Variants in TMEM82 observed in about 807,000 individuals in gnomAD.
TMEM82 encodes transmembrane protein 82.
A neutral mutation model predicts 29.2 loss-of-function variants in TMEM82; 30 were observed. The observed-to-expected ratio is 1.03, with a 90% confidence interval of 0.77 to 1.39. The LOEUF is 1.39. Among genes scored for constraint, TMEM82 ranks in the 40% most tolerant of loss-of-function variants. The pLI is 0.00. For missense variants in TMEM82, 442 were observed against 447.7 expected (o/e 0.99, Z 0.12); for synonymous variants, 221 against 225.4 (o/e 0.98, Z 0.18).
At chr1:15,747,176 CA>C (rs2068342882) in intron 5 of TMEM82, 122 bp downstream of exon 5, 3 of 1,057,578 alleles carry the variant, frequency 2.8e-6, no homozygotes, top group Non-Finnish European at 4.1e-6. Flanking sequence ...CCTGTAATCC[CA>C]AATACTCAGG....
rs146322959 is a variant in TMEM82 at position 15,747,734 on chromosome 1, C to T, written c.*102C>T. ...CTGGAGGCAGAGTGGCAGAGCTGGC[C>T]TCCTGCCCAGAGCTCAGCACAGGCC... On this transcript the variant is annotated 3_prime_UTR_variant, in exon 6 of 6. Coordinates refer to ENST00000375782, the MANE Select transcript of TMEM82 (RefSeq NM_001013641.3). The T allele has an allele frequency of 2.6e-4, 288 of 1,092,038 alleles. No individual in the cohort carries two copies. In the African/African-American group the frequency reaches 3.8e-3, roughly 14 times the overall value. 67.6% of individuals were successfully genotyped at this position (1,092,038 alleles called of 1,614,324 possible).
intron 4 of TMEM82, among the ~76,000 whole-genome samples, chr1:15,745,893 A>G (rs1212831129): frequency 1.3e-5 from 1 of 76,106 alleles, no homozygotes; most frequent in Non-Finnish European, 2.6e-5. Context: ...CATCTCAAAC[A>G]AAAAAAAAAA....
chr1:15,744,587 G>C lies in TMEM82; in HGVS notation c.757+7G>C. ...CTGGTCATCTACATGCAGGGTGAGC[G>C]CTGCGGGGCCTGCTCCATTCAATCC... On this transcript the variant is annotated splice_region_variant and intron_variant, in intron 4 of 5. Transcript: ENST00000375782. This position sits in a 1 kb window ranked among gnomAD's most constrained non-coding sequence, Gnocchi z 5.2. The C allele has an allele frequency of 6.3e-7, 1 of 1,599,434 alleles. No homozygotes were observed.
Position 15,744,050 on chromosome 1 carries a change from C to A in TMEM82, c.337-110C>A. 9.0e-7 allele frequency: 1 copy of A among 1,112,308 alleles called. No homozygotes were observed. The highest frequency in any genetic ancestry group is 1.2e-6 in the Non-Finnish European group (1 of 808,086). 68.9% of individuals were successfully genotyped at this position (1,112,308 alleles called of 1,614,324 possible). ...GGGCTTCATCTGAAGCCGATGTGGC[C>A]CCTTCGGGAACCATCCCCAAGGTCC... On this transcript the variant is annotated intron_variant, in intron 3 of 5. Coordinates refer to ENST00000375782, the MANE Select transcript of TMEM82 (RefSeq NM_001013641.3). The surrounding 1 kb of genome is among the most constrained non-coding windows in gnomAD (Gnocchi z 5.2).
intron 4 of TMEM82, among the ~76,000 whole-genome samples, chr1:15,746,447 C>G (rs1021682053): frequency 1.3e-5 from 2 of 151,210 alleles, no homozygotes; most frequent in African/African-American, 4.9e-5. Context: ...AGCCGGGAGC[C>G]TGGCAAGGAG....
rs539850611 is a variant in TMEM82, at chr1:15,742,993, C to T, written c.162-27C>T. 1.9e-6 allele frequency: 3 copies of T among 1,600,336 alleles called. No homozygotes were observed. The South Asian group carries it at 3.3e-5, about 18-fold the overall frequency. ...GGTCGAAGGTGGCAGTTCTGCACCC[C>T]TGCCCACACCCATTCTGTCCCCAAA... On this transcript the variant is annotated intron_variant, in intron 2 of 5. Transcript: ENST00000375782.
At position 15,744,482 on chromosome 1, in the gene TMEM82, T is replaced by A; in HGVS notation, c.659T>A (p.Val220Glu). 1 of 1,611,536 alleles carries A rather than the reference T, an allele frequency of 6.2e-7. No homozygotes were observed. The highest frequency in any genetic ancestry group is 8.5e-7 in the Non-Finnish European group (1 of 1,179,494). ...IAFAVGDLAA[V>E]ALINQDFLTT... ...TTTGCCGTGGGTGACCTGGCAGCTG[T>A]GGCCCTCATCAACCAGGACTTCCTG... The change falls in exon 4 of 6, where the codon GTG becomes GAG. Residue 220 changes from valine (V) to glutamate (E), a missense_variant. Coordinates refer to ENST00000375782, the MANE Select transcript of TMEM82 (RefSeq NM_001013641.3). The surrounding 1 kb of genome is among the most constrained non-coding windows in gnomAD (Gnocchi z 5.2).
chr1:15,742,770 C>A, intron 1 of TMEM82, 65 bp from the exon 2 acceptor site: 1 of 1,556,464 alleles, frequency 6.4e-7, no homozygotes. Context: ...TCTGACCCTA[C>A]CAATGAAGCC....
chr1:15,745,561 AAGAGAGAG>A lies in TMEM82; in HGVS notation c.757+989_757+996del, dbSNP rs796862384. 4.2e-3 allele frequency among the ~76,000 whole-genome samples: 617 copies of A among 147,904 alleles called. 3 individuals are homozygous for A. The highest frequency in any genetic ancestry group is 0.013 in the African/African-American group (539 of 40,052). ...AGAGAGAGAAAGAGAGAAAGAGAGA[AAGAGAGAG>A]AGAGAGAAAGAGAGAGAGAGAGAAA... On this transcript the variant is annotated intron_variant, in intron 4 of 5. Transcript: ENST00000375782.
At chr1:15,746,133 T>A (rs1469888865) in intron 4 of TMEM82, among the ~76,000 whole-genome samples, 2 of 87,396 alleles carry the variant, frequency 2.3e-5, no homozygotes, top group African/African-American at 9.2e-5. Context: ...CTGGGTTCAA[T>A]CAATTCTCCT....
chr1:15,744,561 G>A lies in TMEM82; in HGVS notation c.738G>A (p.Leu246=), dbSNP rs1408917070. The change falls in exon 4 of 6, where the codon CTG becomes CTA. Residue 246 remains leucine, a synonymous_variant. Coordinates refer to ENST00000375782, the MANE Select transcript of TMEM82 (RefSeq NM_001013641.3). The surrounding 1 kb of genome is among the most constrained non-coding windows in gnomAD (Gnocchi z 5.2). Reference sequence around the variant, plus strand: ...CACCGCTCACCATCTGCTACACGCTGCTGGTCATCTACATGCAGGGTGAGC... The same window carrying A: ...CACCGCTCACCATCTGCTACACGCTACTGGTCATCTACATGCAGGGTGAGC... The part of the protein sequence containing the change: ...FWTPLTICYT[L]LVIYMQEEQR... The A allele has an allele frequency of 3.1e-6, 5 of 1,609,952 alleles. No homozygotes were observed. Among genetic ancestry groups the A allele is most frequent in the Non-Finnish European group, 4.2e-6 (5 of 1,178,328 alleles).
At chr1:15,745,892 C>CAAAAAAAAAAAAAAAAAAAAAAAAA (rs914390608) in intron 4 of TMEM82, among the ~76,000 whole-genome samples, 1 of 86,358 alleles carries the variant, frequency 1.2e-5, no homozygotes, top group Non-Finnish European at 2.5e-5. Flanking sequence ...CCATCTCAAA[C>CAAAAAAAAAAAAAAAAAAAAAAAAA]AAAAAAAAAA....
At chr1:15,747,412 C>A in intron 5 of TMEM82, 134 bp from the exon 6 acceptor site, 1 of 763,780 alleles carries the variant, frequency 1.3e-6, no homozygotes. Flanking sequence ...CACTAGCACC[C>A]CCCACCCTGT....
chr1:15,746,329 C>CA (rs2068335002), intron 4 of TMEM82, among the ~76,000 whole-genome samples: 2 of 144,006 alleles, frequency 1.4e-5, no homozygotes. Context: ...ACTAAAAATA[C>CA]AAAAAATTAG....
At chr1:15,745,023 AGTTT>A (rs1272813713) in intron 4 of TMEM82, among the ~76,000 whole-genome samples, 1 of 152,110 alleles carries the variant, frequency 6.6e-6, no homozygotes, top group Non-Finnish European at 1.5e-5. Flanking sequence ...CTGCTGTCCA[AGTTT>A]GTTTATGTTT....
In TMEM82 at chr1:15,743,097, T is replaced by C. The variant is rs1217064786; in HGVS notation, c.239T>C (p.Leu80Pro). 6.2e-7 allele frequency: 1 copy of C among 1,612,018 alleles called. No individual in the cohort carries two copies. Among genetic ancestry groups the C allele is most frequent in the East Asian group, 2.2e-5 (1 of 44,866 alleles). The change falls in exon 3 of 6, where the codon CTG becomes CCG. Residue 80 changes from leucine (L) to proline (P), a missense_variant. Leu to Pro is a moderately conservative substitution (Grantham distance 98). Transcript: ENST00000375782. ...CTGGAAACGGTGCACCTGGCAGGGCTGGCCCTGTTTCTGACGGTCGTGGGG... is the reference window on the plus strand; with the variant it reads ...CTGGAAACGGTGCACCTGGCAGGGCCGGCCCTGTTTCTGACGGTCGTGGGG... ...ASLETVHLAG[L>P]ALFLTVVGSR...
chr1:15,745,392 T>C (rs2068326424), intron 4 of TMEM82, among the ~76,000 whole-genome samples: 1 of 152,008 alleles, frequency 6.6e-6, no homozygotes, highest in Non-Finnish European at 1.5e-5. Flanking sequence ...TGGTGGTCCA[T>C]GCCTGTAATC....
chr1:15,742,514 C>T lies in TMEM82; in HGVS notation c.-46C>T. 3 of 1,484,838 alleles carry T rather than the reference C, an allele frequency of 2.0e-6. No individual in the cohort carries two copies. The highest frequency in any genetic ancestry group is 2.7e-6 in the Non-Finnish European group (3 of 1,099,582). The allele number at this position is 1,484,838 out of a possible 1,614,324, so 92.0% of individuals were successfully genotyped here. On this transcript the variant is annotated 5_prime_UTR_variant, in exon 1 of 6. Coordinates refer to ENST00000375782, the MANE Select transcript of TMEM82 (RefSeq NM_001013641.3). ...CCTTTGCCCAGTGACGTTGGTCTGT[C>T]CTTACGCAGACCTGGCCGGAGGCTG...
At chr1:15,743,838 G>C (rs758641586) in intron 3 of TMEM82, among the ~76,000 whole-genome samples, 11 of 152,118 alleles carry the variant, frequency 7.2e-5, no homozygotes, top group Non-Finnish European at 1.6e-4. Context: ...GGTGGCGGGT[G>C]CCTGTAATCC....
Sources: allele counts gnomAD v4.1 joint callset (sites outside exome capture counted in the v4.1 genomes callset), GRCh38; gene constraint gnomAD v4.1.1; non-coding constraint Gnocchi (gnomAD v3.1); transcripts MANE v1.5; gene names NCBI Gene and HGNC (gene_info 2026-07-23, HGNC 2026-07-21).